The following TNIK variants were observed in gnomAD, a reference collection of about 807,000 sequenced individuals.
TNIK encodes TRAF2 and NCK-interacting protein kinase.
Under a neutral mutation model 191.3 loss-of-function variants are expected in TNIK, and 49 were observed. The ratio of observed to expected loss-of-function variants is 0.26; its 90% CI spans 0.20 to 0.32. The LOEUF is 0.32. Ranked by LOEUF, TNIK falls within the 10% of genes least tolerant of loss-of-function variation. The probability of loss-of-function intolerance (pLI) is 1.00; values close to 1 mark genes in which losing one functional copy is unlikely to be tolerated. For synonymous variants in TNIK, 594 were observed against 600.9 expected (o/e 0.99, Z 0.17); for missense variants, 1,155 against 1,702.3 (o/e 0.68, Z 5.66).
chr3:171,204,014 G>A lies in TNIK; in HGVS notation c.306+7102C>T, dbSNP rs116749936. Reference sequence around the variant, plus strand: ...TATCAAAAAAGACAGCAAAATATGTGTGAGTTCACATTGTAATTTTTGAGA... The same window carrying A: ...TATCAAAAAAGACAGCAAAATATGTATGAGTTCACATTGTAATTTTTGAGA... On this transcript the variant is annotated intron_variant, in intron 4 of 32. Coordinates refer to ENST00000436636, the MANE Select transcript of TNIK (RefSeq NM_015028.4). 6.2e-3 allele frequency among the ~76,000 whole-genome samples: 951 copies of A among 152,274 alleles called. 2 individuals are homozygous for A. Among genetic ancestry groups the A allele is most frequent in the Middle Eastern group, 0.014 (4 of 294 alleles).
At chr3:171,238,068 T>C (rs1560304467) in intron 2 of TNIK, among the ~76,000 whole-genome samples, 1 of 152,154 alleles carries the variant, frequency 6.6e-6, no homozygotes, top group Non-Finnish European at 1.5e-5. Context: ...CTCCAACAGA[T>C]GTCTTCTGTG....
chr3:171,138,127 A>G, intron 15 of TNIK, 64 bp downstream of exon 15: 1 of 1,434,466 alleles, frequency 7.0e-7, no homozygotes, highest in African/African-American at 1.4e-5. Flanking sequence ...CTCCACTTCT[A>G]TCACACAAAC....
At chr3:171,415,998 G>GAA (rs58082222) in intron 1 of TNIK, among the ~76,000 whole-genome samples, 2 of 86,672 alleles carry the variant, frequency 2.3e-5, no homozygotes, top group South Asian at 8.3e-4. Flanking sequence ...AAAAAAAAAA[G>GAA]AAAGAAAAAG....
At chr3:171,221,733 C>T (rs1384245879) in intron 3 of TNIK, among the ~76,000 whole-genome samples, 2 of 152,066 alleles carry the variant, frequency 1.3e-5, no homozygotes, top group Non-Finnish European at 2.9e-5. Flanking sequence ...TTTCCTGGAT[C>T]CTGCTCTAGT....
intron 1 of TNIK, among the ~76,000 whole-genome samples, chr3:171,415,984 AAAAAAAAAAAAAAG>A (rs1268419659): frequency 6.1e-5 from 9 of 147,324 alleles, no homozygotes; most frequent in Non-Finnish European, 7.5e-5. Flanking sequence ...AAAAAAAAAA[AAAAAAAAAAAAAAG>A]AAAGAAAAAG....
chr3:171,140,520 A>G lies in TNIK; in HGVS notation c.1222-11T>C. 6.2e-6 allele frequency: 10 copies of G among 1,612,820 alleles called. No homozygotes were observed. Among genetic ancestry groups the G allele is most frequent in the Non-Finnish European group, 8.5e-6 (10 of 1,179,702 alleles). Reference sequence around the variant, plus strand: ...CTCTCGCCTTTGTTGCTGTGGGGCAACAAGCAGACAACCATGAAGGCAACA... The same window carrying G: ...CTCTCGCCTTTGTTGCTGTGGGGCAGCAAGCAGACAACCATGAAGGCAACA... On this transcript the variant is annotated splice_polypyrimidine_tract_variant and intron_variant, in intron 12 of 32. Coordinates refer to ENST00000436636, the MANE Select transcript of TNIK (RefSeq NM_015028.4).
chr3:171,236,017 T>C (rs2109018578), intron 2 of TNIK, among the ~76,000 whole-genome samples: 1 of 152,248 alleles, frequency 6.6e-6, no homozygotes, highest in Middle Eastern at 3.4e-3. Context: ...CCTAATGCCC[T>C]TAAAACGCAG....
At chr3:171,129,158 T>C (rs1040497159) in intron 15 of TNIK, among the ~76,000 whole-genome samples, 1 of 152,166 alleles carries the variant, frequency 6.6e-6, no homozygotes, top group African/African-American at 2.4e-5. Flanking sequence ...GAGTTTATCT[T>C]GTATTGATTG....
intron 2 of TNIK, among the ~76,000 whole-genome samples, chr3:171,264,292 C>T (rs1327219424): frequency 6.6e-6 from 1 of 151,162 alleles, no homozygotes; most frequent in East Asian, 1.9e-4. Context: ...TTTTATACAT[C>T]ATTGCATATA....
At chr3:171,315,512 G>A (rs1348741792) in intron 2 of TNIK, among the ~76,000 whole-genome samples, 7 of 152,118 alleles carry the variant, frequency 4.6e-5, no homozygotes, top group Admixed American at 1.3e-4. Context: ...TTAGTTGCCC[G>A]GAGCTGCCAT....
intron 2 of TNIK, among the ~76,000 whole-genome samples, chr3:171,304,891 G>A (rs1296848906): frequency 6.6e-6 from 1 of 151,838 alleles, no homozygotes; most frequent in Non-Finnish European, 1.5e-5. Context: ...ATAGCATTGG[G>A]AGATATACCT....
intron 2 of TNIK, chr3:171,346,967 G>T: frequency 3.5e-6 from 2 of 566,446 alleles, no homozygotes; most frequent in South Asian, 2.9e-5. Context: ...GACTTTACTG[G>T]CTGCACAGTA....
At chr3:171,211,575 T>C (rs562433875) in intron 3 of TNIK, among the ~76,000 whole-genome samples, 13 of 152,262 alleles carry the variant, frequency 8.5e-5, no homozygotes, top group Non-Finnish European at 1.8e-4. Context: ...ACTACATCCA[T>C]CAAGTAGCTA....
intron 9 of TNIK, among the ~76,000 whole-genome samples, chr3:171,172,114 C>G (rs1374195348): frequency 6.6e-6 from 1 of 152,038 alleles, no homozygotes; most frequent in Non-Finnish European, 1.5e-5. Context: ...CTTTATTTCT[C>G]AAATCTTGAA....
At chr3:171,268,027 C>G (rs1437246865) in intron 2 of TNIK, among the ~76,000 whole-genome samples, 1 of 152,046 alleles carries the variant, frequency 6.6e-6, no homozygotes, top group Non-Finnish European at 1.5e-5. Context: ...TGCACCACAT[C>G]AAGACTACAC....
intron 2 of TNIK, among the ~76,000 whole-genome samples, chr3:171,346,460 A>C (rs1453982905): frequency 6.6e-6 from 1 of 152,112 alleles, no homozygotes; most frequent in Non-Finnish European, 1.5e-5. Flanking sequence ...TATTCTTTAA[A>C]TTATTGAGCA....
At chr3:171,069,872 T>C (rs1213028739) in intron 29 of TNIK, among the ~76,000 whole-genome samples, 1 of 152,240 alleles carries the variant, frequency 6.6e-6, no homozygotes, top group African/African-American at 2.4e-5. Flanking sequence ...TCTGACAGCA[T>C]GGGAAGCTCT....
At position 171,071,279 on chromosome 3, in the gene TNIK, C is replaced by G; in HGVS notation, c.3493G>C (p.Ala1165Pro). 6.2e-7 allele frequency: 1 copy of G among 1,605,356 alleles called. No homozygotes were observed. Among genetic ancestry groups the G allele is most frequent in the Non-Finnish European group, 8.5e-7 (1 of 1,176,138 alleles). Residue 1165 changes from alanine (A) to proline (P), a missense_variant, in exon 29 of 33, where the codon GCT becomes CCT. By Grantham distance (27) the Ala-to-Pro change is conservative. This residue lies in a region of TNIK where 195 missense variants were observed against 415.4 expected (regional missense o/e 0.47). Coordinates refer to ENST00000436636, the MANE Select transcript of TNIK (RefSeq NM_015028.4). The part of the protein sequence containing the change: ...IKFLVIALKN[A>P]VEIYAWAPKP... ...GGAGCCCAAGCATATATTTCCACAG[C>G]ATTCTTTAAGGCAATCACCAAAAAT...
At chr3:171,239,270 G>T (rs1192176726) in intron 2 of TNIK, among the ~76,000 whole-genome samples, 2 of 152,150 alleles carry the variant, frequency 1.3e-5, no homozygotes, top group Admixed American at 6.5e-5. Context: ...AGCTAAAAAT[G>T]TAACAGTCAA....
Sources: allele counts gnomAD v4.1 joint callset (sites outside exome capture counted in the v4.1 genomes callset), GRCh38; gene constraint gnomAD v4.1.1; regional missense constraint gnomAD v4.1.1; transcripts MANE v1.5; gene names NCBI Gene and HGNC (gene_info 2026-07-23, HGNC 2026-07-21).